The following ACSF2 variants were observed in gnomAD, a reference collection of about 807,000 sequenced individuals.
ACSF2 encodes the protein medium-chain acyl-CoA ligase ACSF2, mitochondrial.
A neutral mutation model predicts 79.3 loss-of-function variants in ACSF2; 52 were observed. The ratio of observed to expected loss-of-function variants is 0.66; its 90% confidence interval spans 0.53 to 0.83. The LOEUF is 0.83. Among genes scored for constraint, ACSF2 ranks in the 40% least tolerant of loss-of-function variants. The pLI is 0.00. For synonymous variants in ACSF2, 283 were observed against 312.6 expected (o/e 0.91, Z 1.00); for missense variants, 661 against 803.3 (o/e 0.82, Z 2.14).
chr17:50,463,305 G>A lies in ACSF2; in HGVS notation c.888+54G>A, dbSNP rs1378854669. ...CTGCAGGAGGGGTGGCTCAGGCAGGGGTGGGGGGCTGGCTGGGCTCCCCTT... is the reference window on the plus strand; with the variant it reads ...CTGCAGGAGGGGTGGCTCAGGCAGGAGTGGGGGGCTGGCTGGGCTCCCCTT... On this transcript the variant is annotated intron_variant, in intron 7 of 15. Transcript: ENST00000300441. This position sits in a 1 kb window ranked among gnomAD's most constrained non-coding sequence, Gnocchi z 4.6. 7 of 1,611,898 alleles carry A rather than the reference G, an allele frequency of 4.3e-6. No homozygotes were observed. The highest frequency in any genetic ancestry group is 3.3e-5 in the Admixed American group (2 of 59,938).
At chr17:50,426,513 TCCCCCGC>T in intron 1 of ACSF2, 124 bp downstream of exon 1, 1 of 1,128,500 alleles carries the variant, frequency 8.9e-7, no homozygotes, top group Non-Finnish European at 1.1e-6. Flanking sequence ...TACCCGCCCC[TCCCCCGC>T]CCCCCGCCAG....
intron 1 of ACSF2, among the ~76,000 whole-genome samples, chr17:50,452,887 A>G (rs2031764975): frequency 6.6e-6 from 1 of 152,126 alleles, no homozygotes; most frequent in South Asian, 2.1e-4. Context: ...TTCCAACTCA[A>G]CCCTGCCCTA....
At chr17:50,441,489 A>ACCGCC (rs1173289660) in intron 1 of ACSF2, among the ~76,000 whole-genome samples, 5 of 152,092 alleles carry the variant, frequency 3.3e-5, no homozygotes, top group African/African-American at 1.2e-4. Flanking sequence ...GGTCCTTTTT[A>ACCGCC]AGTCACAGGG....
Position 50,461,289 on chromosome 17 carries a change from T to C in ACSF2, c.372T>C (p.Gly124=). 1 of 1,614,158 alleles carries C rather than the reference T, an allele frequency of 6.2e-7. No homozygotes were observed. Among genetic ancestry groups the C allele is most frequent in the Non-Finnish European group, 8.5e-7 (1 of 1,180,014 alleles). Residue 124 remains glycine, a synonymous_variant, in exon 3 of 16, where the codon GGT becomes GGC. Transcript: ENST00000300441. Reference sequence around the variant, plus strand: ...TCCTGAGCATTGGCCTCTGCAAAGGTGACCGGCTGGGCATGTGGGGACCTA... The same window carrying C: ...TCCTGAGCATTGGCCTCTGCAAAGGCGACCGGCTGGGCATGTGGGGACCTA... ...SGLLSIGLCK[G]DRLGMWGPNS...
intron 12 of ACSF2, chr17:50,472,882 T>G: frequency 4.3e-6 from 1 of 235,084 alleles, no homozygotes; most frequent in East Asian, 9.3e-5. Flanking sequence ...TTCTCGCCGC[T>G]AGAGGTCCAG....
chr17:50,445,356 T>C (rs1171336917), intron 1 of ACSF2, among the ~76,000 whole-genome samples: 3 of 152,218 alleles, frequency 2.0e-5, no homozygotes, highest in Non-Finnish European at 4.4e-5. Context: ...CTCGAAAACC[T>C]GTATGATTGC....
rs947445943 is a variant in ACSF2, at chr17:50,460,691, A to G, written c.143A>G (p.Asp48Gly). Reference sequence around the variant, plus strand: ...TCTCCCTACAGTTCCAGAGAGGTGGATCGCATGGTCTCCACGCCCATCGGA... The same window carrying G: ...TCTCCCTACAGTTCCAGAGAGGTGGGTCGCATGGTCTCCACGCCCATCGGA... ...GVRFLSSREV[D>G]RMVSTPIGGL... The change falls in exon 2 of 16, where the codon GAT (aspartate) becomes GGT (glycine). Residue 48 changes from aspartate (D) to glycine (G), a missense_variant. Coordinates refer to ENST00000300441, the MANE Select transcript of ACSF2 (RefSeq NM_025149.6). 6.8e-6 allele frequency: 11 copies of G among 1,612,060 alleles called. No individual in the cohort carries two copies. In the Admixed American group the frequency reaches 1.7e-4, roughly 24 times the overall value.
rs1915221278 is a variant in ACSF2, at chr17:50,428,530, ATCCC to A, written c.128+2142_128+2145del. On this transcript the variant is annotated intron_variant, in intron 1 of 15. Transcript: ENST00000300441. ...CCAAGCATGGTGGCTTATGCCTGTA[ATCCC>A]AGCACTTTGGGAGGCTGAGGTGGGC... Among the ~76,000 whole-genome samples, 4 of 151,902 alleles carry A rather than the reference ATCCC, an allele frequency of 2.6e-5. No homozygotes were observed. The South Asian group carries it at 8.3e-4, about 32-fold the overall frequency.
intron 10 of ACSF2, among the ~76,000 whole-genome samples, chr17:50,469,431 C>T (rs1329860875): frequency 6.6e-6 from 1 of 152,302 alleles, no homozygotes; most frequent in Middle Eastern, 3.4e-3. Context: ...TCTCCCACTT[C>T]AGACTCGACG....
chr17:50,466,077 T>TTTTTTTTTTTTTCC (rs1358912348), intron 10 of ACSF2, among the ~76,000 whole-genome samples: 5 of 150,950 alleles, frequency 3.3e-5, no homozygotes, highest in Non-Finnish European at 7.4e-5. Flanking sequence ...TATTTTCTTT[T>TTTTTTTTTTTTTCC]TTTTTTTTTT....
intron 1 of ACSF2, among the ~76,000 whole-genome samples, chr17:50,439,712 G>A (rs754738358): frequency 1.8e-4 from 27 of 152,250 alleles, no homozygotes; most frequent in Middle Eastern, 3.4e-3. Context: ...TCAGTGGCAC[G>A]ACCCTGTAGT....
chr17:50,463,895 C>T lies in ACSF2; in HGVS notation c.1124C>T (p.Ser375Leu), dbSNP rs768330040. ...NQPDFSSYDI[S>L]TMCGGVIAGS... is the part of the protein sequence containing the mutation. Reference sequence around the variant, plus strand: ...CCAGACTTCTCCAGTTATGACATCTCGACCATGTGTGGAGGTGGGGTGGGG... The same window carrying T: ...CCAGACTTCTCCAGTTATGACATCTTGACCATGTGTGGAGGTGGGGTGGGG... Residue 375 changes from serine (S) to leucine (L), a missense_variant, in exon 9 of 16, where the codon TCG becomes TTG. Transcript: ENST00000300441. This position sits in a 1 kb window ranked among gnomAD's most constrained non-coding sequence, Gnocchi z 4.6. The T allele has an allele frequency of 2.2e-5, 36 of 1,613,984 alleles. No individual in the cohort carries two copies. The highest frequency in any genetic ancestry group is 2.9e-5 in the Non-Finnish European group (34 of 1,180,028).
chr17:50,441,252 C>T (rs1567841552), intron 1 of ACSF2, among the ~76,000 whole-genome samples: 4 of 152,238 alleles, frequency 2.6e-5, no homozygotes, highest in South Asian at 4.1e-4. Flanking sequence ...TCACTGCAGC[C>T]TTGATCTCCC....
intron 1 of ACSF2, among the ~76,000 whole-genome samples, chr17:50,452,883 C>T (rs553629373): frequency 6.6e-5 from 10 of 152,280 alleles, no homozygotes; most frequent in Non-Finnish European, 1.0e-4. Context: ...CTGTTTCCAA[C>T]TCAACCCTGC....
intron 10 of ACSF2, among the ~76,000 whole-genome samples, chr17:50,466,040 C>T (rs1348242782): frequency 6.6e-6 from 1 of 151,172 alleles, no homozygotes; most frequent in South Asian, 2.1e-4. Flanking sequence ...ATCCAATCTA[C>T]ACAACCCCCT....
chr17:50,463,186 C>G lies in ACSF2; in HGVS notation c.823C>G (p.Leu275Val). The change falls in exon 7 of 16, where the codon CTC (leucine) becomes GTC (valine). Residue 275 changes from leucine (L) to valine (V), a missense_variant. Leu to Val is a conservative substitution (Grantham distance 32). Coordinates refer to ENST00000300441, the MANE Select transcript of ACSF2 (RefSeq NM_025149.6). The surrounding 1 kb of genome is among the most constrained non-coding windows in gnomAD (Gnocchi z 4.6). Reference protein sequence around the residue: ...GTTGSPKGATLSHYNIVNNSN... With the variant: ...GTTGSPKGATVSHYNIVNNSN... ...AACAGGCAGCCCCAAGGGGGCCACC[C>G]TCTCCCACTACAACATTGTCAACAA... is the stretch of plus-strand genomic sequence containing the variant. 1.2e-6 allele frequency: 2 copies of G among 1,614,110 alleles called. No homozygotes were observed. The highest frequency in any genetic ancestry group is 1.7e-6 in the Non-Finnish European group (2 of 1,180,022).
intron 1 of ACSF2, among the ~76,000 whole-genome samples, chr17:50,456,460 C>T (rs922240813): frequency 3.9e-5 from 6 of 152,036 alleles, no homozygotes; most frequent in African/African-American, 9.7e-5. Flanking sequence ...TGGCCGGGCG[C>T]GGTGGCTCAC....
chr17:50,432,268 A>T (rs896034330), intron 1 of ACSF2, among the ~76,000 whole-genome samples: 7 of 152,238 alleles, frequency 4.6e-5, no homozygotes, highest in Non-Finnish European at 1.0e-4. Context: ...GAAAATGCTT[A>T]ACACACAGTT....
Position 50,473,975 on chromosome 17 carries a change from G to T in ACSF2, c.1699G>T (p.Glu567Ter). ...RLKDGEETTV[E>*]EIKAFCKGKI... ...GAAGGACGGGGAGGAGACCACGGTG[G>T]AGGAGATAAAAGCTTTCTGCAAAGG... Residue 567 changes from glutamate (E) to a stop codon, truncating the protein, a stop_gained, in exon 14 of 16, where the codon GAG becomes TAG. Coordinates refer to ENST00000300441, the MANE Select transcript of ACSF2 (RefSeq NM_025149.6). LOFTEE classifies it high-confidence loss of function. 6.6e-7 allele frequency: 1 copy of T among 1,526,160 alleles called. No individual in the cohort carries two copies. Among genetic ancestry groups the T allele is most frequent in the African/African-American group, 1.4e-5 (1 of 72,352 alleles). The allele number at this position is 1,526,160 out of a possible 1,614,324, so 94.5% of individuals were successfully genotyped here.
Sources: gnomAD v4.1 joint callset for allele counts (sites outside exome capture counted in the v4.1 genomes callset) on GRCh38, gnomAD v4.1.1 for gene constraint, Gnocchi (gnomAD v3.1) non-coding constraint, MANE v1.5 for transcripts, NCBI Gene and HGNC (gene_info 2026-07-23, HGNC 2026-07-21) for gene names.